Variants in SUSD6 observed in about 807,000 individuals in gnomAD.
SUSD6 encodes the protein sushi domain-containing protein 6.
In SUSD6, 16 loss-of-function variants were observed where a neutral mutation model predicts 28.4. That is an observed-to-expected ratio of 0.56 (90% CI 0.38 to 0.86). The LOEUF (loss-of-function observed/expected upper bound fraction) is 0.86. Ranked by LOEUF, SUSD6 falls within the 40% of genes least tolerant of loss-of-function variation. The pLI, the probability that SUSD6 is intolerant of heterozygous loss-of-function variation, is 0.00. For synonymous variants in SUSD6, 147 were observed against 159.6 expected, an observed-to-expected ratio of 0.92 and a Z score of 0.59; for missense variants, 341 against 384.2, an observed-to-expected ratio of 0.89 and a Z score of 0.94.
At chr14:69,670,456 T>C (rs1885813758) in intron 2 of SUSD6, 1 of 456,556 alleles carries the variant, frequency 2.2e-6, no homozygotes, top group Non-Finnish European at 4.4e-6. Context: ...TCAGCTTGAA[T>C]TGGTCATGGA....
intron 2 of SUSD6, among the ~76,000 whole-genome samples, chr14:69,678,738 G>T (rs1464909977): frequency 6.6e-6 from 1 of 152,168 alleles, no homozygotes; most frequent in Non-Finnish European, 1.5e-5. Context: ...CGGAGGCCAA[G>T]GTTGCAGTGA....
intron 2 of SUSD6, among the ~76,000 whole-genome samples, chr14:69,675,457 G>A (rs1885893516): frequency 6.6e-6 from 1 of 152,138 alleles, no homozygotes; most frequent in Non-Finnish European, 1.5e-5. Context: ...CAGCAGGATG[G>A]TGGCTAAACT....
chr14:69,657,575 G>C (rs1202336477), intron 1 of SUSD6, among the ~76,000 whole-genome samples: 1 of 152,122 alleles, frequency 6.6e-6, no homozygotes. Flanking sequence ...TAATGGAGAA[G>C]GGGGTGTGTG....
intron 2 of SUSD6, among the ~76,000 whole-genome samples, chr14:69,696,269 C>T (rs933330206): frequency 2.6e-5 from 4 of 152,180 alleles, no homozygotes; most frequent in Non-Finnish European, 4.4e-5. Context: ...CCTTATTGTC[C>T]TTATCTGTAA....
chr14:69,666,152 G>A (rs1885736304), intron 2 of SUSD6, among the ~76,000 whole-genome samples: 1 of 152,176 alleles, frequency 6.6e-6, no homozygotes, highest in Admixed American at 6.5e-5. Context: ...ACTGAGTAGA[G>A]TTAGATCCTT....
chr14:69,615,989 A>G (rs1200244694), intron 1 of SUSD6, among the ~76,000 whole-genome samples: 1 of 151,618 alleles, frequency 6.6e-6, no homozygotes. Flanking sequence ...CCCTAAATGT[A>G]CTCCCCGCTC....
intron 1 of SUSD6, among the ~76,000 whole-genome samples, chr14:69,625,324 C>T (rs1885098546): frequency 6.6e-6 from 1 of 152,206 alleles, no homozygotes; most frequent in African/African-American, 2.4e-5. Context: ...TTTATCCTCA[C>T]TATGCTTGAA....
At chr14:69,619,685 C>T (rs976251324) in intron 1 of SUSD6, among the ~76,000 whole-genome samples, 2 of 152,014 alleles carry the variant, frequency 1.3e-5, no homozygotes, top group African/African-American at 2.4e-5. Flanking sequence ...GTTGGGGGAT[C>T]GCTTGAGCTT....
chr14:69,687,721 C>G (rs1886094025), intron 2 of SUSD6, among the ~76,000 whole-genome samples: 1 of 152,192 alleles, frequency 6.6e-6, no homozygotes, highest in Non-Finnish European at 1.5e-5. Flanking sequence ...GTGGGCTTCT[C>G]CCATGCCTGG....
intron 1 of SUSD6, among the ~76,000 whole-genome samples, chr14:69,613,945 T>C (rs901046426): frequency 2.6e-5 from 4 of 152,186 alleles, no homozygotes; most frequent in African/African-American, 9.7e-5. Flanking sequence ...TTTGGTGAGA[T>C]AGAAGAGAAA....
At chr14:69,635,595 C>CCACACACACACACACA (rs3048696) in intron 1 of SUSD6, among the ~76,000 whole-genome samples, 53 of 143,612 alleles carry the variant, frequency 3.7e-4, no homozygotes, top group Admixed American at 5.5e-4. Flanking sequence ...CCAAGGCACA[C>CCACACACACACACACA]CACACACACA....
intron 1 of SUSD6, among the ~76,000 whole-genome samples, chr14:69,642,533 T>G (rs912609202): frequency 1.3e-5 from 2 of 151,892 alleles, no homozygotes; most frequent in African/African-American, 4.8e-5. Context: ...GCAAGAGAAA[T>G]GAGGAAGAAG....
At chr14:69,650,401 A>G (rs1885486499) in intron 1 of SUSD6, among the ~76,000 whole-genome samples, 1 of 152,110 alleles carries the variant, frequency 6.6e-6, no homozygotes, top group African/African-American at 2.4e-5. Context: ...AGACCACCCA[A>G]TTGCCCTAGA....
intron 1 of SUSD6, among the ~76,000 whole-genome samples, chr14:69,640,643 A>G (rs775465351): frequency 2.0e-5 from 3 of 152,194 alleles, no homozygotes; most frequent in Non-Finnish European, 4.4e-5. Flanking sequence ...GGTGTGAAAA[A>G]TAAATTTTAT....
intron 4 of SUSD6, among the ~76,000 whole-genome samples, chr14:69,706,521 G>A (rs1227666451): frequency 2.6e-5 from 4 of 152,122 alleles, no homozygotes; most frequent in East Asian, 3.9e-4. Context: ...GTGCAGTGGC[G>A]TGATCACAGC....
intron 2 of SUSD6, among the ~76,000 whole-genome samples, chr14:69,695,789 A>C (rs570825966): frequency 2.3e-4 from 35 of 152,372 alleles, no homozygotes; most frequent in African/African-American, 7.7e-4. Flanking sequence ...TGTGAAACTT[A>C]AATGAGTTAC....
intron 1 of SUSD6, among the ~76,000 whole-genome samples, chr14:69,644,197 T>C (rs1391168074): frequency 6.6e-6 from 1 of 152,224 alleles, no homozygotes; most frequent in African/African-American, 2.4e-5. Context: ...TGTTGAATAG[T>C]CACTGAGTTC....
intron 2 of SUSD6, among the ~76,000 whole-genome samples, chr14:69,701,007 T>A (rs56153412): frequency 0.1 from 15,284 of 152,092 alleles, 2,612 homozygotes; most frequent in African/African-American, 0.35. Flanking sequence ...GAGTCCTTAA[T>A]CCAGAAGCCA....
chr14:69,664,430 A>T (rs1031134901), intron 2 of SUSD6, among the ~76,000 whole-genome samples: 1 of 152,218 alleles, frequency 6.6e-6, no homozygotes, highest in Non-Finnish European at 1.5e-5. Flanking sequence ...TTCCCAAAAC[A>T]TCCGCAAAGC....
Sources: gnomAD v4.1 joint callset for allele counts (sites outside exome capture counted in the v4.1 genomes callset) on GRCh38, gnomAD v4.1.1 for gene constraint, MANE v1.5 for transcripts, NCBI Gene and HGNC (gene_info 2026-07-23, HGNC 2026-07-21) for gene names.